DIAPH3: variants seen among roughly 807,000 people sequenced by gnomAD.
The protein encoded by DIAPH3 is diaphanous related formin 3.
In DIAPH3, 117 loss-of-function variants were observed where a neutral mutation model predicts 144.3. The observed-to-expected ratio is 0.81, with a 90% CI of 0.70 to 0.95. DIAPH3 has a LOEUF of 0.95. Ranked by LOEUF, DIAPH3 falls within the 40% of genes least tolerant of loss-of-function variation. The probability of loss-of-function intolerance (pLI) is 0.00; values close to 1 mark genes in which losing one functional copy is unlikely to be tolerated. For synonymous variants in DIAPH3, 519 were observed against 488.9 expected (o/e 1.06, Z -0.81); for missense variants, 1,421 against 1,412.7 (o/e 1.01, Z -0.09).
chr13:60,045,891 T>TA (rs1181817174), intron 4 of DIAPH3, among the ~76,000 whole-genome samples: 7 of 152,112 alleles, frequency 4.6e-5, no homozygotes, highest in Non-Finnish European at 5.9e-5. Flanking sequence ...TATTAAAAGA[T>TA]AAAAAACAAA....
intron 27 of DIAPH3, among the ~76,000 whole-genome samples, chr13:59,674,174 CATT>C (rs1261758989): frequency 6.6e-6 from 1 of 152,184 alleles, no homozygotes; most frequent in African/African-American, 2.4e-5. Flanking sequence ...TGACTTTGAA[CATT>C]ATTATGGCAT....
chr13:59,795,224 A>T (rs2039527980), intron 25 of DIAPH3, among the ~76,000 whole-genome samples: 2 of 151,848 alleles, frequency 1.3e-5, no homozygotes, highest in Middle Eastern at 6.8e-3. Context: ...AAGTGACTTC[A>T]TGGTGCTCTG....
intron 24 of DIAPH3, among the ~76,000 whole-genome samples, chr13:59,827,024 A>G (rs2041472474): frequency 6.6e-6 from 1 of 152,204 alleles, no homozygotes; most frequent in African/African-American, 2.4e-5. Flanking sequence ...CTTATACAAA[A>G]ATTAATTCAA....
intron 25 of DIAPH3, among the ~76,000 whole-genome samples, chr13:59,787,939 T>G (rs938957419): frequency 6.6e-5 from 10 of 152,170 alleles, no homozygotes; most frequent in African/African-American, 1.9e-4. Flanking sequence ...AGCTAGAAGG[T>G]TACAGGCCCT....
chr13:59,857,900 G>A (rs2043347826), intron 22 of DIAPH3, among the ~76,000 whole-genome samples: 1 of 152,124 alleles, frequency 6.6e-6, no homozygotes, highest in Non-Finnish European at 1.5e-5. Flanking sequence ...ATAGAGATAT[G>A]ACAAATGAGA....
At position 60,042,926 on chromosome 13, in the gene DIAPH3, A is replaced by G. The variant is rs2800294; in HGVS notation, c.496-106T>C. The G allele has an allele frequency of 0.63, 820,111 of 1,296,436 alleles. 264,055 individuals carry two copies. The highest frequency in any genetic ancestry group is 0.75 in the African/African-American group (50,587 of 67,900). The allele number at this position is 1,296,436 out of a possible 1,614,324, so 80.3% of individuals were successfully genotyped here. A position where few individuals can be genotyped will look rare whatever the true frequency, so the allele number is the denominator to read the frequency against. On this transcript the variant is annotated intron_variant, in intron 4 of 27. Transcript: ENST00000400324. ...CAGCAGCACATAACTACTATAATTA[A>G]CACTATTTGGGCAAGGGTGGTAAAT... is the stretch of plus-strand genomic sequence containing the variant.
chr13:59,965,827 A>C (rs1447197833), intron 17 of DIAPH3, among the ~76,000 whole-genome samples: 1 of 152,134 alleles, frequency 6.6e-6, no homozygotes, highest in Non-Finnish European at 1.5e-5. Context: ...TGCCTTATTC[A>C]TGCTGGTATC....
At chr13:59,748,827 A>G (rs2036834633) in intron 27 of DIAPH3, among the ~76,000 whole-genome samples, 1 of 152,170 alleles carries the variant, frequency 6.6e-6, no homozygotes, top group African/African-American at 2.4e-5. Context: ...GTTGGTGGTA[A>G]TCTGACAGCA....
intron 13 of DIAPH3, among the ~76,000 whole-genome samples, chr13:59,982,505 A>T (rs893881940): frequency 6.6e-6 from 1 of 151,334 alleles, no homozygotes; most frequent in Non-Finnish European, 1.5e-5. Flanking sequence ...TTCACTAATT[A>T]TATTTCATTC....
Position 59,680,475 on chromosome 13 carries a change from C to T in DIAPH3, c.3320-13629G>A, listed in dbSNP as rs76520515. ...TTCCTTGAGGTAGTTAGTACCCCAA[C>T]AATTAGACCAGCAGAACTTCAGGGA... On this transcript the variant is annotated intron_variant, in intron 27 of 27. Coordinates refer to ENST00000400324, the MANE Select transcript of DIAPH3 (RefSeq NM_001042517.2). Among the ~76,000 whole-genome samples, 219 of 152,122 alleles carry T rather than the reference C, an allele frequency of 1.4e-3. 2 individuals are homozygous for T. Among genetic ancestry groups the T allele is most frequent in the African/African-American group, 5.1e-3 (212 of 41,520 alleles).
intron 27 of DIAPH3, among the ~76,000 whole-genome samples, chr13:59,729,852 A>G (rs1334752813): frequency 8.6e-6 from 1 of 116,026 alleles, no homozygotes; most frequent in Non-Finnish European, 1.6e-5. Context: ...TGCTCTGTTG[A>G]CCAGGCTGGA....
chr13:59,879,463 G>A lies in DIAPH3; in HGVS notation c.2373C>T (p.Ser791=), dbSNP rs758425195. ...CEPEQFVVVM[S]NVKRLRPRLS... ...GCCGTGGCCGTAGTCTCTTCACATTGCTCATCTGATTGAAAAGAAAACAGC... is the reference window on the plus strand; with the variant it reads ...GCCGTGGCCGTAGTCTCTTCACATTACTCATCTGATTGAAAAGAAAACAGC... The change falls in exon 21 of 28, where the codon AGC becomes AGT. Residue 791 remains serine, a synonymous_variant. Transcript: ENST00000400324. The A allele has an allele frequency of 2.7e-5, 43 of 1,613,430 alleles. No individual in the cohort carries two copies. Among genetic ancestry groups the A allele is most frequent in the Non-Finnish European group, 3.4e-5 (40 of 1,179,704 alleles).
chr13:59,946,904 C>T (rs1376123286), intron 17 of DIAPH3, among the ~76,000 whole-genome samples: 5 of 151,932 alleles, frequency 3.3e-5, no homozygotes, highest in Non-Finnish European at 5.9e-5. Context: ...TGAGTTGCAC[C>T]CAGGGGTCAA....
intron 27 of DIAPH3, among the ~76,000 whole-genome samples, chr13:59,773,205 A>C (rs2038216241): frequency 6.6e-6 from 1 of 152,154 alleles, no homozygotes; most frequent in South Asian, 2.1e-4. Context: ...TTTTACCTTT[A>C]CTGTCATTTG....
Position 60,163,749 on chromosome 13 carries a change from C to G in DIAPH3, c.18G>C (p.Pro6=). 6.3e-7 allele frequency: 1 copy of G among 1,593,884 alleles called. No individual in the cohort carries two copies. The highest frequency in any genetic ancestry group is 1.7e-4 in the Middle Eastern group (1 of 5,808). ...AGCCTTGGGCCGGGTGGTGCAGCCG[C>G]GGCTGGTGCCGTTCCATCTTTCCCC... The part of the protein sequence containing the change: MERHQ[P]RLHHPAQGSA... Residue 6 remains proline (P), a synonymous_variant, in exon 1 of 28, where the codon CCG becomes CCC. Transcript: ENST00000400324.
intron 5 of DIAPH3, among the ~76,000 whole-genome samples, chr13:60,020,619 C>A (rs832411): frequency 0.023 from 3,558 of 152,276 alleles, 137 homozygotes; most frequent in African/African-American, 0.082. Flanking sequence ...CTCACCTTAG[C>A]TTCCAAAAGT....
At chr13:59,779,810 G>A (rs375560855) in intron 25 of DIAPH3, among the ~76,000 whole-genome samples, 5 of 152,118 alleles carry the variant, frequency 3.3e-5, no homozygotes, top group South Asian at 2.1e-4. Context: ...CACCGCGCAC[G>A]GCCGAGGGAA....
chr13:59,732,342 A>C (rs2035929578), intron 27 of DIAPH3, among the ~76,000 whole-genome samples: 1 of 151,706 alleles, frequency 6.6e-6, no homozygotes, highest in South Asian at 2.1e-4. Flanking sequence ...TATAATTTAC[A>C]GACTGAATTA....
chr13:60,053,584 T>C (rs2056442399), intron 4 of DIAPH3, among the ~76,000 whole-genome samples: 1 of 152,122 alleles, frequency 6.6e-6, no homozygotes. Context: ...AGGTAACTAT[T>C]ACAGGTAATA....
Sources: allele counts gnomAD v4.1 joint callset (sites outside exome capture counted in the v4.1 genomes callset), GRCh38; gene constraint gnomAD v4.1.1; transcripts MANE v1.5; gene names NCBI Gene and HGNC (gene_info 2026-07-23, HGNC 2026-07-21).